CRACD: variants seen among roughly 807,000 people sequenced by gnomAD.
CRACD encodes the protein capping protein-inhibiting regulator of actin dynamics.
CRACD carries 56 observed loss-of-function variants against 106.8 expected under a neutral mutation model. The ratio of observed to expected loss-of-function variants is 0.52; its 90% CI spans 0.42 to 0.66. The LOEUF is 0.66. CRACD is among the 30% of genes least tolerant of loss of function. CRACD has a pLI of 0.00. For missense variants in CRACD, 1,730 were observed against 1,623.2 expected (o/e 1.07, Z -1.13); for synonymous variants, 754 against 670.8 (o/e 1.12, Z -1.92).
intron 2 of CRACD, among the ~76,000 whole-genome samples, chr4:56,245,963 C>T (rs915395461): frequency 1.3e-5 from 2 of 152,092 alleles, no homozygotes; most frequent in African/African-American, 4.8e-5. Flanking sequence ...TGTTATGTAC[C>T]GTGTGCCTCA....
chr4:56,079,501 A>G (rs1324158502), intron 1 of CRACD, among the ~76,000 whole-genome samples: 2 of 150,212 alleles, frequency 1.3e-5, no homozygotes, highest in African/African-American at 4.9e-5. Flanking sequence ...GCTGAAGTGC[A>G]GTGGCATGAT....
intron 1 of CRACD, among the ~76,000 whole-genome samples, chr4:56,108,496 G>A (rs1004851442): frequency 5.3e-5 from 8 of 152,168 alleles, no homozygotes; most frequent in Admixed American, 1.3e-4. Flanking sequence ...TGTTCTCCCC[G>A]TGTGCGGAGA....
chr4:56,284,642 T>A (rs921666612), intron 3 of CRACD, among the ~76,000 whole-genome samples: 4 of 152,264 alleles, frequency 2.6e-5, no homozygotes, highest in Admixed American at 6.5e-5. Flanking sequence ...GGAGAATTGC[T>A]TGAACCCAGA....
chr4:56,185,281 A>G (rs1737038646), intron 2 of CRACD, among the ~76,000 whole-genome samples: 1 of 152,100 alleles, frequency 6.6e-6, no homozygotes, highest in African/African-American at 2.4e-5. Flanking sequence ...GTATATTCAG[A>G]CTGTTTTGCA....
chr4:56,169,896 G>C (rs986540140), intron 1 of CRACD, among the ~76,000 whole-genome samples: 1 of 152,112 alleles, frequency 6.6e-6, no homozygotes, highest in Admixed American at 6.6e-5. Flanking sequence ...TTGAGAAGTT[G>C]AAAATAAAGA....
intron 1 of CRACD, among the ~76,000 whole-genome samples, chr4:56,071,763 G>A (rs1448739741): frequency 6.6e-6 from 1 of 151,710 alleles, no homozygotes; most frequent in Admixed American, 6.6e-5. Context: ...CACCCACCTC[G>A]GCCTCCCAAA....
chr4:56,158,412 A>G (rs62308645), intron 1 of CRACD, among the ~76,000 whole-genome samples: 3,821 of 152,152 alleles, frequency 0.025, 70 homozygotes, highest in Middle Eastern at 0.041. Context: ...TAATTCCTCT[A>G]AAGGAAAGAA....
chr4:56,294,664 A>G (rs1743885209), intron 3 of CRACD, among the ~76,000 whole-genome samples: 1 of 152,190 alleles, frequency 6.6e-6, no homozygotes, highest in African/African-American at 2.4e-5. Context: ...CTATAATCCC[A>G]GTACTTTGGG....
At chr4:56,303,874 C>G (rs930746347) in intron 4 of CRACD, among the ~76,000 whole-genome samples, 5 of 152,232 alleles carry the variant, frequency 3.3e-5, no homozygotes, top group Admixed American at 1.3e-4. Flanking sequence ...CCCTCCTCTT[C>G]GTCACAGCCA....
At chr4:56,317,560 C>A (rs1745758848) in intron 8 of CRACD, among the ~76,000 whole-genome samples, 1 of 152,162 alleles carries the variant, frequency 6.6e-6, no homozygotes, top group South Asian at 2.1e-4. Context: ...GGGGGCCTCG[C>A]AGTGATGATA....
intron 1 of CRACD, among the ~76,000 whole-genome samples, chr4:56,147,307 T>C (rs1465649096): frequency 6.6e-6 from 1 of 152,164 alleles, no homozygotes. Context: ...GCAAAAAGAG[T>C]TTTAAAATGC....
At chr4:56,192,178 G>A (rs910819021) in intron 2 of CRACD, among the ~76,000 whole-genome samples, 3 of 152,100 alleles carry the variant, frequency 2.0e-5, no homozygotes, top group Non-Finnish European at 4.4e-5. Flanking sequence ...GATCACCTGC[G>A]GTCAGGAGTT....
At chr4:56,180,523 A>C (rs980247984) in intron 2 of CRACD, among the ~76,000 whole-genome samples, 1 of 138,492 alleles carries the variant, frequency 7.2e-6, no homozygotes, top group Non-Finnish European at 1.5e-5. Flanking sequence ...TAAATAAATA[A>C]ATAAATAAAT....
chr4:56,213,931 A>T (rs2109496656), intron 2 of CRACD, among the ~76,000 whole-genome samples: 1 of 152,360 alleles, frequency 6.6e-6, no homozygotes, highest in South Asian at 2.1e-4. Flanking sequence ...TTAGGAGAAC[A>T]TCCAGTAAAC....
intron 1 of CRACD, among the ~76,000 whole-genome samples, chr4:56,056,505 C>T (rs766243067): frequency 4.0e-5 from 6 of 151,470 alleles, no homozygotes; most frequent in Middle Eastern, 3.2e-3. Context: ...TGCTATGGCT[C>T]ACACCTGTAA....
intron 1 of CRACD, among the ~76,000 whole-genome samples, chr4:56,083,864 C>T (rs745343913): frequency 1.3e-5 from 2 of 152,096 alleles, no homozygotes; most frequent in Non-Finnish European, 2.9e-5. Flanking sequence ...GTAGTCCCAG[C>T]TACTCTGGAG....
intron 2 of CRACD, among the ~76,000 whole-genome samples, chr4:56,265,403 GGTGTGTGTGT>G (rs111811548): frequency 0.027 from 2,070 of 77,434 alleles, 22 homozygotes; most frequent in South Asian, 0.059. Flanking sequence ...ATAGAGGAGG[GGTGTGTGTGT>G]GTGTGTGTGT....
chr4:56,132,609 C>A (rs1450284307), intron 1 of CRACD, among the ~76,000 whole-genome samples: 1 of 152,082 alleles, frequency 6.6e-6, no homozygotes, highest in Non-Finnish European at 1.5e-5. Flanking sequence ...AGAGTGTTAT[C>A]TGTCTTCTCT....
intron 5 of CRACD, 45 bp from the exon 6 acceptor site, chr4:56,310,621 C>T (rs768305202): frequency 5.8e-6 from 8 of 1,387,842 alleles, no homozygotes; most frequent in African/African-American, 2.8e-5. Flanking sequence ...TTGCCCAGAA[C>T]TTCCTGTTCA....
Sources: allele counts gnomAD v4.1 joint callset (sites outside exome capture counted in the v4.1 genomes callset), GRCh38; gene constraint gnomAD v4.1.1; transcripts MANE v1.5; gene names NCBI Gene and HGNC (gene_info 2026-07-23, HGNC 2026-07-21).